The following GTF2H3 variants were observed in gnomAD, a reference collection of about 807,000 sequenced individuals.
The protein encoded by GTF2H3 is general transcription factor IIH subunit 3.
Under a neutral mutation model 51.1 loss-of-function variants are expected in GTF2H3, and 42 were observed. The ratio of observed to expected loss-of-function variants is 0.82; its 90% CI spans 0.64 to 1.06. GTF2H3 has a LOEUF of 1.06. Ranked by LOEUF, GTF2H3 falls within the 50% of genes least tolerant of loss-of-function variation. GTF2H3 has a pLI of 0.00. For missense variants in GTF2H3, 326 were observed against 366.1 expected, an observed-to-expected ratio of 0.89 and a Z score of 0.89; for synonymous variants, 123 against 123.8, an observed-to-expected ratio of 0.99 and a Z score of 0.04.
intron 7 of GTF2H3, among the ~76,000 whole-genome samples, chr12:123,653,069 T>C (rs1465845414): frequency 6.6e-6 from 1 of 151,728 alleles, no homozygotes; most frequent in Non-Finnish European, 1.5e-5. Flanking sequence ...CACTCTAGCC[T>C]GGGTGACAGA....
intron 2 of GTF2H3, among the ~76,000 whole-genome samples, chr12:123,645,186 T>G (rs1181762926): frequency 2.6e-5 from 4 of 152,218 alleles, no homozygotes; most frequent in African/African-American, 9.6e-5. Flanking sequence ...TCCTGCCACC[T>G]CAGCCTTCAG....
At chr12:123,654,855 T>C (rs1420509957) in intron 7 of GTF2H3, 69 bp from the exon 8 acceptor site, 2 of 1,016,412 alleles carry the variant, frequency 2.0e-6, no homozygotes, top group African/African-American at 3.1e-5. Context: ...GTTCGCAGTA[T>C]ATTGTGTGAC....
intron 4 of GTF2H3, chr12:123,650,332 G>C (rs555390393): frequency 6.6e-6 from 1 of 152,154 alleles, no homozygotes; most frequent in African/African-American, 2.4e-5. Context: ...AGTCTTCCCC[G>C]CACTGGCTGA....
rs956783577 is a variant in GTF2H3 at position 123,638,283 on chromosome 12, C to T, written c.14-981C>T. Among the ~76,000 whole-genome samples, 5 of 151,910 alleles carry T rather than the reference C, an allele frequency of 3.3e-5. No homozygotes were observed. In the South Asian group the frequency reaches 8.3e-4, roughly 25 times the overall value. On this transcript the variant is annotated intron_variant, in intron 1 of 12. Coordinates refer to ENST00000543341, the MANE Select transcript of GTF2H3 (RefSeq NM_001516.5). ...AAGTGATTCTCCTGCCTCAGTCTCC[C>T]GAGTAGCTGGGATTACAGGTGCTTG...
At chr12:123,656,013 G>T in intron 9 of GTF2H3, 189 bp downstream of exon 9, 1 of 455,172 alleles carries the variant, frequency 2.2e-6, no homozygotes, top group South Asian at 4.9e-5. Context: ...TATTGCTTGC[G>T]TTATATTTCC....
chr12:123,650,540 T>C (rs1330809036), intron 4 of GTF2H3: 10 of 161,192 alleles, frequency 6.2e-5, no homozygotes, highest in Non-Finnish European at 4.1e-5. Flanking sequence ...TAACAAAATT[T>C]GCCATTTTAC....
At chr12:123,637,214 A>G (rs1444505144) in intron 1 of GTF2H3, among the ~76,000 whole-genome samples, 1 of 152,146 alleles carries the variant, frequency 6.6e-6, no homozygotes. Flanking sequence ...AGTATCCCCA[A>G]CACCTAACAC....
At chr12:123,648,869 G>A (rs11572964) in intron 4 of GTF2H3, among the ~76,000 whole-genome samples, 108 of 152,240 alleles carry the variant, frequency 7.1e-4, no homozygotes, top group African/African-American at 2.1e-3. Flanking sequence ...GCCCAGGCTG[G>A]TCTTGAACTC....
intron 1 of GTF2H3, among the ~76,000 whole-genome samples, chr12:123,635,620 C>T (rs1955271256): frequency 6.6e-6 from 1 of 151,934 alleles, no homozygotes; most frequent in African/African-American, 2.4e-5. Context: ...ACTGTTTTGC[C>T]CAGGCTGGTC....
At position 123,660,327 on chromosome 12, in the gene GTF2H3, A is replaced by G. The variant is rs1406381925; in HGVS notation, c.*92A>G. ...AAGACTGAAAAAAATAAAGATAGGT[A>G]TAGGATAATTTTTAATATGGTGACC... On this transcript the variant is annotated 3_prime_UTR_variant, in exon 13 of 13. Coordinates refer to ENST00000543341, the MANE Select transcript of GTF2H3 (RefSeq NM_001516.5). 4 of 888,090 alleles carry G rather than the reference A, an allele frequency of 4.5e-6. No homozygotes were observed. Among genetic ancestry groups the G allele is most frequent in the Non-Finnish European group, 7.0e-6 (4 of 574,112 alleles). 55.0% of individuals were successfully genotyped at this position (888,090 alleles called of 1,614,324 possible). A position where few individuals can be genotyped will look rare whatever the true frequency, so the allele number is the denominator to read the frequency against.
At chr12:123,641,536 T>TG (rs1484320783) in intron 2 of GTF2H3, among the ~76,000 whole-genome samples, 4 of 141,648 alleles carry the variant, frequency 2.8e-5, no homozygotes, top group African/African-American at 1.2e-4. Context: ...CGTTTTTTTT[T>TG]TTGTGTGTTT....
At chr12:123,657,880 C>G (rs545411033) in intron 9 of GTF2H3, among the ~76,000 whole-genome samples, 3 of 152,134 alleles carry the variant, frequency 2.0e-5, no homozygotes, top group Non-Finnish European at 4.4e-5. Flanking sequence ...TGTGTTAAAG[C>G]GAGAAAGCTG....
chr12:123,639,746 G>A (rs1485676147), intron 2 of GTF2H3, among the ~76,000 whole-genome samples: 1 of 152,142 alleles, frequency 6.6e-6, no homozygotes, highest in Non-Finnish European at 1.5e-5. Flanking sequence ...AACCAGAAAA[G>A]ATACAGAGAG....
At chr12:123,642,944 G>A (rs1329423097) in intron 2 of GTF2H3, among the ~76,000 whole-genome samples, 2 of 152,028 alleles carry the variant, frequency 1.3e-5, no homozygotes, top group South Asian at 2.1e-4. Flanking sequence ...GTGCAATCTC[G>A]GCTTACCGCA....
At chr12:123,646,725 G>A (rs905535173) in intron 3 of GTF2H3, among the ~76,000 whole-genome samples, 26 of 151,842 alleles carry the variant, frequency 1.7e-4, no homozygotes, top group African/African-American at 6.0e-4. Flanking sequence ...TCCCATCCTC[G>A]CTGCATATTT....
rs560772698 is a variant in GTF2H3, at chr12:123,660,103, G to A, written c.857+21G>A. On this transcript the variant is annotated intron_variant, in intron 12 of 12. Coordinates refer to ENST00000543341, the MANE Select transcript of GTF2H3 (RefSeq NM_001516.5). ...TGCGAGTAAGTATCTTTGAGATTGT[G>A]TGGGTGGCTAATACTTCACAGCTCT... 5 of 1,608,732 alleles carry A rather than the reference G, an allele frequency of 3.1e-6. No individual in the cohort carries two copies. In the Admixed American group the frequency reaches 6.8e-5, roughly 22 times the overall value.
Position 123,659,548 on chromosome 12 carries a change from G to A in GTF2H3, c.648G>A (p.Lys216=), listed in dbSNP as rs1389671692. The A allele has an allele frequency of 1.2e-6, 2 of 1,614,012 alleles. No homozygotes were observed. Among genetic ancestry groups the A allele is most frequent in the South Asian group, 2.2e-5 (2 of 91,090 alleles). The part of the protein sequence containing the change: ...ACDITGGLYL[K]VPQMPSLLQY... ...ACATCACGGGAGGACTGTACCTGAAGGTGCCTCAGATGCCTTCTCTTCTGC... is the reference window on the plus strand; with the variant it reads ...ACATCACGGGAGGACTGTACCTGAAAGTGCCTCAGATGCCTTCTCTTCTGC... Residue 216 remains lysine (K), a synonymous_variant, in exon 10 of 13, where the codon AAG becomes AAA. Coordinates refer to ENST00000543341, the MANE Select transcript of GTF2H3 (RefSeq NM_001516.5).
intron 2 of GTF2H3, chr12:123,640,084 T>C: frequency 2.4e-6 from 1 of 413,266 alleles, no homozygotes; most frequent in Non-Finnish European, 5.0e-6. Context: ...GGTCTCGAAC[T>C]CCTGGCCTCA....
At chr12:123,634,690 A>G (rs1955248946) in intron 1 of GTF2H3, among the ~76,000 whole-genome samples, 1 of 152,144 alleles carries the variant, frequency 6.6e-6, no homozygotes, top group Non-Finnish European at 1.5e-5. Context: ...AGAAGGGAGA[A>G]ATGGAGAGCT....
Sources: allele counts gnomAD v4.1 joint callset (sites outside exome capture counted in the v4.1 genomes callset), GRCh38; gene constraint gnomAD v4.1.1; transcripts MANE v1.5; gene names NCBI Gene and HGNC (gene_info 2026-07-23, HGNC 2026-07-21).